TASP1: variants seen among roughly 807,000 people sequenced by gnomAD.
TASP1 encodes taspase 1, also known as threonine aspartase 1.
Under a neutral mutation model 56.6 loss-of-function variants are expected in TASP1, and 16 were observed. The observed-to-expected ratio is 0.28, with a 90% CI of 0.19 to 0.43. The LOEUF (loss-of-function observed/expected upper bound fraction) is 0.43, where lower values mean the gene tolerates loss of function less well. Ranked by LOEUF, TASP1 falls within the 20% of genes least tolerant of loss-of-function variation. TASP1 has a pLI of 1.00. For synonymous variants in TASP1, 179 were observed against 184.2 expected (o/e 0.97, Z 0.23); for missense variants, 393 against 511.6 (o/e 0.77, Z 2.24).
chr20:13,180,789 G>C, the TASP1 span, among the ~76,000 whole-genome samples: 1 of 152,130 alleles, frequency 6.6e-6, no homozygotes, highest in African/African-American at 2.4e-5. Context: ...AAATGTGTCA[G>C]GAGATAATAG....
chr20:13,595,855 T>C (rs549446044), intron 4 of TASP1, among the ~76,000 whole-genome samples: 2 of 152,292 alleles, frequency 1.3e-5, no homozygotes, highest in African/African-American at 2.4e-5. Context: ...GGGCTTGAAC[T>C]CAGCTCTGCA....
the TASP1 span, among the ~76,000 whole-genome samples, chr20:13,142,782 GA>G: frequency 1.2e-4 from 19 of 152,260 alleles, no homozygotes; most frequent in Admixed American, 7.2e-4. Flanking sequence ...GTAGGACTGA[GA>G]TCCCATTTCC....
At chr20:13,408,020 T>C (rs2041982514) in intron 13 of TASP1, among the ~76,000 whole-genome samples, 1 of 152,184 alleles carries the variant, frequency 6.6e-6, no homozygotes, top group South Asian at 2.1e-4. Flanking sequence ...TGGGCTTTTT[T>C]TACTTTCTTG....
rs551029048 is a variant in TASP1 at position 13,625,163 on chromosome 20, A to G, written c.213+22T>C. The G allele has an allele frequency of 2.3e-5, 36 of 1,578,706 alleles. No individual in the cohort carries two copies. In the South Asian group the frequency reaches 4.0e-4, roughly 17 times the overall value. On this transcript the variant is annotated intron_variant, in intron 3 of 13. Transcript: ENST00000337743. The stretch of plus-strand genomic sequence containing the variant: ...TTCTGTTCAAAACTGCAATGCACAG[A>G]TCATACACATTGTGTTCATACCTTC...
chr20:13,162,747 G>A, the TASP1 span, among the ~76,000 whole-genome samples: 1 of 152,044 alleles, frequency 6.6e-6, no homozygotes, highest in Non-Finnish European at 1.5e-5. Flanking sequence ...TAAATATATA[G>A]CCAGCCAGTG....
chr20:13,329,206 G>A, the TASP1 span, among the ~76,000 whole-genome samples: 1,178 of 152,238 alleles, frequency 7.7e-3, 14 homozygotes, highest in African/African-American at 0.027. Flanking sequence ...TATATGTTGA[G>A]ATCCTAACTC....
chr20:13,384,502 GA>G (rs542603760), downstream of TASP1, among the ~76,000 whole-genome samples: 106 of 148,426 alleles, frequency 7.1e-4, 1 homozygote, highest in South Asian at 0.012. Flanking sequence ...AAGCATGGGG[GA>G]AAAAAAAAAG....
At chr20:13,244,816 G>A in the TASP1 span, among the ~76,000 whole-genome samples, 2 of 152,284 alleles carry the variant, frequency 1.3e-5, no homozygotes, top group Admixed American at 1.3e-4. Flanking sequence ...TTTCACCTAA[G>A]TGTCATATTC....
chr20:13,521,051 AT>A (rs1195397445), intron 10 of TASP1, among the ~76,000 whole-genome samples: 9 of 152,248 alleles, frequency 5.9e-5, no homozygotes, highest in African/African-American at 1.9e-4. Flanking sequence ...CATCAGAGAA[AT>A]ACGTATCAAA....
intron 13 of TASP1, among the ~76,000 whole-genome samples, chr20:13,412,526 G>T (rs950211849): frequency 2.2e-4 from 33 of 152,162 alleles, no homozygotes; most frequent in African/African-American, 7.7e-4. Context: ...AATTAGAAGT[G>T]GAGTTTCTTT....
Position 13,629,916 on chromosome 20 carries a change from G to A in TASP1, c.145+18C>T. ...AATCAACATTATTGGCATCTTCCAA[G>A]CCATCCACAAAGCTTACCTGCATGC... On this transcript the variant is annotated intron_variant, in intron 2 of 13. Transcript: ENST00000337743. The A allele has an allele frequency of 6.2e-7, 1 of 1,612,838 alleles. No individual in the cohort carries two copies. Among genetic ancestry groups the A allele is most frequent in the Non-Finnish European group, 8.5e-7 (1 of 1,179,536 alleles).
intron 8 of TASP1, among the ~76,000 whole-genome samples, chr20:13,544,074 T>C (rs2045718428): frequency 6.6e-6 from 1 of 152,194 alleles, no homozygotes; most frequent in Admixed American, 6.5e-5. Context: ...GTAATCCTTA[T>C]TTCTGGAAGT....
the TASP1 span, among the ~76,000 whole-genome samples, chr20:13,223,022 G>A: frequency 1.3e-5 from 2 of 152,124 alleles, no homozygotes; most frequent in Admixed American, 6.5e-5. Flanking sequence ...AATTAGCTGG[G>A]CGTGGTGGCG....
chr20:13,166,543 A>C, the TASP1 span: 1 of 152,224 alleles, frequency 6.6e-6, no homozygotes, highest in African/African-American at 2.4e-5. Flanking sequence ...AACTTTTCTC[A>C]ATGAAACTGA....
chr20:13,632,600 A>G (rs1350552897), intron 1 of TASP1, among the ~76,000 whole-genome samples: 1 of 152,174 alleles, frequency 6.6e-6, no homozygotes, highest in Admixed American at 6.6e-5. Flanking sequence ...TTAGCAAACC[A>G]TATAATCTCA....
the TASP1 span, among the ~76,000 whole-genome samples, chr20:13,119,557 A>C: frequency 6.6e-6 from 1 of 152,178 alleles, no homozygotes; most frequent in African/African-American, 2.4e-5. Flanking sequence ...TCATTTTCTT[A>C]TCTCTTAAAA....
rs1463291319 is a variant in TASP1, at chr20:13,634,815, G to A, written c.-75+4079C>T. 2.7e-5 allele frequency among the ~76,000 whole-genome samples: 4 copies of A among 150,798 alleles called. No individual in the cohort carries two copies. The East Asian group carries it at 7.8e-4, about 29-fold the overall frequency. On this transcript the variant is annotated intron_variant, in intron 1 of 13. Transcript: ENST00000337743. Reference sequence around the variant, plus strand: ...AGGCCGAGGCAGGCCAATCACCTGAGGTCGGGAGTTCAAGACCAGCCTGAC... The same window carrying A: ...AGGCCGAGGCAGGCCAATCACCTGAAGTCGGGAGTTCAAGACCAGCCTGAC...
At chr20:13,571,050 G>T (rs935506045) in intron 6 of TASP1, among the ~76,000 whole-genome samples, 1 of 152,068 alleles carries the variant, frequency 6.6e-6, no homozygotes. Flanking sequence ...TCAGTGAGGG[G>T]CATTTTACAA....
chr20:13,139,291 T>TTTTC, the TASP1 span, among the ~76,000 whole-genome samples: 1 of 152,150 alleles, frequency 6.6e-6, no homozygotes, highest in Non-Finnish European at 1.5e-5. Flanking sequence ...TCTTTGAAAA[T>TTTTC]TTTCCATAGT....
Sources: gnomAD v4.1 joint callset for allele counts (sites outside exome capture counted in the v4.1 genomes callset) on GRCh38, gnomAD v4.1.1 for gene constraint, MANE v1.5 for transcripts, NCBI Gene and HGNC (gene_info 2026-07-23, HGNC 2026-07-21) for gene names.